Variants in MINK1 observed in about 807,000 individuals in gnomAD.
The protein encoded by MINK1 is misshapen like kinase 1.
MINK1 carries 46 observed loss-of-function variants against 178.4 expected under a neutral mutation model. The observed-to-expected ratio is 0.26, with a 90% CI of 0.20 to 0.33. MINK1 has a LOEUF of 0.33. Among genes scored for constraint, MINK1 ranks in the 10% least tolerant of loss-of-function variants. MINK1 has a pLI of 1.00. For synonymous variants in MINK1, 797 were observed against 709.7 expected, an observed-to-expected ratio of 1.12 and a Z score of -1.96; for missense variants, 1,366 against 1,814.9, an observed-to-expected ratio of 0.75 and a Z score of 4.49.
Position 4,895,269 on chromosome 17 carries a change from A to C in MINK1, c.3085+27A>C, listed in dbSNP as rs188531952. On this transcript the variant is annotated intron_variant, in intron 25 of 31. Coordinates refer to ENST00000355280, the MANE Select transcript of MINK1 (RefSeq NM_153827.5). The surrounding 1 kb of genome is among the most constrained non-coding windows in gnomAD (Gnocchi z 4.3). ...TAAGCCAGGGCAGGGACAGCTGAGG[A>C]GGCTCTGGCGTGGCTCTTGTGCTCC... The C allele has an allele frequency of 2.8e-5, 45 of 1,613,182 alleles. No individual in the cohort carries two copies. The highest frequency in any genetic ancestry group is 3.6e-5 in the Non-Finnish European group (43 of 1,179,394).
intron 5 of MINK1, 129 bp downstream of exon 5, chr17:4,884,602 G>C (rs376914124): frequency 2.8e-6 from 2 of 709,960 alleles, no homozygotes; most frequent in Non-Finnish European, 4.8e-6. Flanking sequence ...GGCCTGATGC[G>C]GGTGGGATGT....
At chr17:4,844,442 G>T (rs1910703257) in intron 1 of MINK1, 1 of 449,186 alleles carries the variant, frequency 2.2e-6, no homozygotes. Context: ...TGTTTCATGG[G>T]CTGGAGACAG....
rs1259038749 is a variant in MINK1 at position 4,833,383 on chromosome 17, C to T, written c.-201C>T. The stretch of plus-strand genomic sequence containing the variant: ...GCCTGCGCAGGAGAGGTGGTAGGCT[C>T]GGGTGGCTGGCTCCGGGGAGATAGC... On this transcript the variant is annotated 5_prime_UTR_variant, in exon 1 of 32. Coordinates refer to ENST00000355280, the MANE Select transcript of MINK1 (RefSeq NM_153827.5). This position sits in a 1 kb window ranked among gnomAD's most constrained non-coding sequence, Gnocchi z 4.8. 9.6e-6 allele frequency: 5 copies of T among 520,002 alleles called. No homozygotes were observed. The highest frequency in any genetic ancestry group is 1.0e-5 in the Non-Finnish European group (3 of 296,582). The allele number at this position is 520,002 out of a possible 1,614,324, so 32.2% of individuals were successfully genotyped here. A position where few individuals can be genotyped will look rare whatever the true frequency, so the allele number is the denominator to read the frequency against.
chr17:4,857,155 G>T, intron 1 of MINK1: 1 of 268,484 alleles, frequency 3.7e-6, no homozygotes, highest in Non-Finnish European at 7.5e-6. Flanking sequence ...TTGGCAGGGG[G>T]GACAGCCGCC....
At chr17:4,861,119 G>T (rs1340539773) in intron 1 of MINK1, among the ~76,000 whole-genome samples, 4 of 152,120 alleles carry the variant, frequency 2.6e-5, no homozygotes, top group Non-Finnish European at 5.9e-5. Flanking sequence ...TGGTGACCTC[G>T]TATATACTCA....
intron 1 of MINK1, among the ~76,000 whole-genome samples, chr17:4,862,610 C>T (rs1038170121): frequency 6.6e-5 from 10 of 151,010 alleles, no homozygotes; most frequent in African/African-American, 1.9e-4. Flanking sequence ...GCCAAGATTG[C>T]GCCACTGCAC....
At chr17:4,846,728 C>T (rs76993397) in intron 1 of MINK1, among the ~76,000 whole-genome samples, 1,878 of 152,140 alleles carry the variant, frequency 0.012, 28 homozygotes, top group African/African-American at 0.039. Flanking sequence ...TGGAGTGCAG[C>T]GGCATGATCA....
rs1053227379 is a variant in MINK1, at chr17:4,897,089, A to C, written c.3916-115A>C. On this transcript the variant is annotated intron_variant, in intron 31 of 31. Transcript: ENST00000355280. ...AGGGGCACTGTGAGTCTCCTCCTGC[A>C]GTCTCTGTGTCTCCCTCAACTCTTC... The C allele has an allele frequency of 7.4e-6, 7 of 947,052 alleles. No individual in the cohort carries two copies. The Admixed American group carries it at 1.5e-4, about 20-fold the overall frequency. The allele number at this position is 947,052 out of a possible 1,614,324, so 58.7% of individuals were successfully genotyped here.
In MINK1 at chr17:4,854,734, A is replaced by G. The variant is rs971362414; in HGVS notation, c.57+21094A>G. On this transcript the variant is annotated intron_variant, in intron 1 of 31. Transcript: ENST00000355280. ...TCCCCTCCAGTGCTTCATTCCCATA[A>G]AAACACTTCAAAACACAGGTAGCCA... The G allele has an allele frequency of 1.8e-5, 9 of 488,762 alleles. No homozygotes were observed. The Admixed American group carries it at 1.9e-4, about 11-fold the overall frequency. 30.3% of individuals were successfully genotyped at this position (488,762 alleles called of 1,614,324 possible).
chr17:4,885,713 T>C lies in MINK1; in HGVS notation c.639+100T>C. On this transcript the variant is annotated intron_variant, in intron 7 of 31. Coordinates refer to ENST00000355280, the MANE Select transcript of MINK1 (RefSeq NM_153827.5). The surrounding 1 kb of genome is among the most constrained non-coding windows in gnomAD (Gnocchi z 5.0). ...GGCTGGGGAACAGAGGAAGGTCAGA[T>C]GATGTTAGCAGTGAGGGGCTGGGGA... 6.5e-7 allele frequency: 1 copy of C among 1,528,492 alleles called. No homozygotes were observed. Among genetic ancestry groups the C allele is most frequent in the Non-Finnish European group, 8.9e-7 (1 of 1,120,888 alleles). The allele number at this position is 1,528,492 out of a possible 1,614,324, so 94.7% of individuals were successfully genotyped here.
At position 4,878,234 on chromosome 17, in the gene MINK1, A is replaced by C; in HGVS notation, c.58-83A>C. ...TGCTGGTCTTCACTCCCATATCTTG[A>C]CTGGATACCACTTTACCCCCCTCTA... On this transcript the variant is annotated intron_variant, in intron 1 of 31. Coordinates refer to ENST00000355280, the MANE Select transcript of MINK1 (RefSeq NM_153827.5). 3.9e-6 allele frequency: 5 copies of C among 1,282,260 alleles called. No homozygotes were observed. In the South Asian group the frequency reaches 6.4e-5, roughly 16 times the overall value. The allele number at this position is 1,282,260 out of a possible 1,614,324, so 79.4% of individuals were successfully genotyped here. A position where few individuals can be genotyped will look rare whatever the true frequency, so the allele number is the denominator to read the frequency against.
chr17:4,843,443 A>G (rs1597379200), intron 1 of MINK1, among the ~76,000 whole-genome samples: 1 of 151,602 alleles, frequency 6.6e-6, no homozygotes, highest in Non-Finnish European at 1.5e-5. Flanking sequence ...GCGTCACTGC[A>G]CTCCAGCCTG....
At chr17:4,891,930 C>A (rs912761545) in intron 16 of MINK1, among the ~76,000 whole-genome samples, 1 of 152,110 alleles carries the variant, frequency 6.6e-6, no homozygotes, top group Non-Finnish European at 1.5e-5. Flanking sequence ...GAGAAACGCC[C>A]AGGGTGTTTT....
In MINK1 at chr17:4,894,596, C is replaced by T; in HGVS notation, c.2880C>T (p.Tyr960=). Residue 960 remains tyrosine, a synonymous_variant, in exon 24 of 32, where the codon TAC becomes TAT. Coordinates refer to ENST00000355280, the MANE Select transcript of MINK1 (RefSeq NM_153827.5). The surrounding 1 kb of genome is among the most constrained non-coding windows in gnomAD (Gnocchi z 4.1). ...SFTMFVDLGI[Y]QPGGSGDSIP... ...CGATGTTTGTGGATCTAGGGATCTA[C>T]CAGCCTGGAGGCAGTGGGGACAGCA... 6.2e-7 allele frequency: 1 copy of T among 1,608,962 alleles called. No homozygotes were observed. Among genetic ancestry groups the T allele is most frequent in the South Asian group, 1.1e-5 (1 of 89,894 alleles).
chr17:4,859,221 G>A, intron 1 of MINK1: 1 of 985,374 alleles, frequency 1.0e-6, no homozygotes, highest in South Asian at 4.7e-5. Context: ...AGGCTTTATG[G>A]TTCCAGTTCT....
intron 1 of MINK1, among the ~76,000 whole-genome samples, chr17:4,865,276 C>T (rs1914767791): frequency 6.6e-6 from 1 of 151,534 alleles, no homozygotes; most frequent in Admixed American, 6.6e-5. Context: ...ACTAAAAACA[C>T]ACAAAAAATT....
rs1293528695 is a variant in MINK1, at chr17:4,893,504, C to T, written c.2471C>T (p.Ser824Leu). Residue 824 changes from serine to leucine, a missense_variant, in exon 21 of 32, where the codon TCG becomes TTG. Ser to Leu is a moderately radical substitution (Grantham distance 145, BLOSUM62 -2). Around this residue, in one of 14 missense-constraint regions of MINK1, gnomAD observed 709 missense variants for 692.3 expected, o/e 1.02. Coordinates refer to ENST00000355280, the MANE Select transcript of MINK1 (RefSeq NM_153827.5). Reference protein sequence around the residue: ...PRPPKKAMDYSSSSEEVESSE... With the variant: ...PRPPKKAMDYLSSSEEVESSE... ...CCTCCCAAGAAGGCCATGGACTACTCGTCGTCCAGCGAGGAGGTGGAAAGC... is the reference window on the plus strand; with the variant it reads ...CCTCCCAAGAAGGCCATGGACTACTTGTCGTCCAGCGAGGAGGTGGAAAGC... 3 of 1,599,438 alleles carry T rather than the reference C, an allele frequency of 1.9e-6. No homozygotes were observed. Among genetic ancestry groups the T allele is most frequent in the Admixed American group, 1.7e-5 (1 of 59,370 alleles).
At chr17:4,872,875 G>C (rs1916020209) in intron 1 of MINK1, among the ~76,000 whole-genome samples, 1 of 152,124 alleles carries the variant, frequency 6.6e-6, no homozygotes, top group African/African-American at 2.4e-5. Context: ...GTCTGACTTT[G>C]CTGCCAGCTC....
Position 4,896,157 on chromosome 17 carries a change from T to A in MINK1, c.3466-36T>A. On this transcript the variant is annotated intron_variant, in intron 28 of 31. Transcript: ENST00000355280. This position sits in a 1 kb window ranked among gnomAD's most constrained non-coding sequence, Gnocchi z 4.6. Reference sequence around the variant, plus strand: ...TCTGGAGTCCCAGCGCCTCTCCCCGTGCCCCTGAGCCCTCCTCTCCTCCGG... The same window carrying A: ...TCTGGAGTCCCAGCGCCTCTCCCCGAGCCCCTGAGCCCTCCTCTCCTCCGG... 1 of 1,604,604 alleles carries A rather than the reference T, an allele frequency of 6.2e-7. No individual in the cohort carries two copies. The highest frequency in any genetic ancestry group is 8.5e-7 in the Non-Finnish European group (1 of 1,174,960).
Sources: gnomAD v4.1 joint callset for allele counts (sites outside exome capture counted in the v4.1 genomes callset) on GRCh38, gnomAD v4.1.1 for gene constraint, gnomAD v4.1.1 regional missense constraint, Gnocchi (gnomAD v3.1) non-coding constraint, MANE v1.5 for transcripts, NCBI Gene and HGNC (gene_info 2026-07-23, HGNC 2026-07-21) for gene names.